ANKRD26: variants seen among roughly 807,000 people sequenced by gnomAD.
ANKRD26 encodes ankyrin repeat domain-containing protein 26.
Under a neutral mutation model 208.7 loss-of-function variants are expected in ANKRD26, and 141 were observed. That is an observed-to-expected ratio of 0.68 (90% CI 0.59 to 0.78). The LOEUF (loss-of-function observed/expected upper bound fraction) is 0.78. ANKRD26 is among the 30% of genes least tolerant of loss of function. ANKRD26 has a pLI of 0.00. For missense variants in ANKRD26, 1,889 were observed against 1,938.7 expected (o/e 0.97, Z 0.48); for synonymous variants, 636 against 660.4 (o/e 0.96, Z 0.57).
intron 3 of ANKRD26, among the ~76,000 whole-genome samples, chr10:26,984,280 G>A (rs2052351822): frequency 6.6e-6 from 1 of 152,148 alleles, no homozygotes; most frequent in Admixed American, 6.5e-5. Context: ...CAGTGTCTTG[G>A]GTTAAAGCTG....
rs1212458827 is a variant in ANKRD26 at position 27,046,353 on chromosome 10, C to A, written c.1985G>T (p.Arg662Met). The A allele has an allele frequency of 6.2e-7, 1 of 1,611,394 alleles. No individual in the cohort carries two copies. Among genetic ancestry groups the A allele is most frequent in the South Asian group, 1.1e-5 (1 of 90,984 alleles). ...SLSEIDEDEG[R>M]PTKKTSNEKN... ...AAAATAAAGAAATCATAGATTTTAC[C>A]TTCCTTCATCCTCATCTATTTCACT... is the stretch of plus-strand genomic sequence containing the variant. Residue 662 changes from arginine (R) to methionine (M), a missense_variant and splice_region_variant, in exon 18 of 34, where the codon AGG becomes ATG. Physicochemically the swap from Arg to Met is moderately conservative, Grantham distance 91 (BLOSUM62 -1). Around this residue, in one of 3 missense-constraint regions of ANKRD26, gnomAD observed 1,272 missense variants for 1,273.8 expected, o/e 1.00. Transcript: ENST00000376087.
chr10:27,071,733 C>G (rs1302900881), intron 9 of ANKRD26, among the ~76,000 whole-genome samples: 1 of 152,104 alleles, frequency 6.6e-6, no homozygotes, highest in African/African-American at 2.4e-5. Flanking sequence ...AAATCGTGAG[C>G]CTCTAGAGTG....
At chr10:27,083,456 C>T (rs1312361976) in intron 5 of ANKRD26, among the ~76,000 whole-genome samples, 1 of 152,018 alleles carries the variant, frequency 6.6e-6, no homozygotes, top group Non-Finnish European at 1.5e-5. Context: ...AGGTATGGTG[C>T]CTCATGCCTA....
At chr10:26,994,349 T>C (rs989942452) in intron 5 of ANKRD26, among the ~76,000 whole-genome samples, 1 of 152,200 alleles carries the variant, frequency 6.6e-6, no homozygotes, top group African/African-American at 2.4e-5. Context: ...TCCAATAATA[T>C]TGTTTACACC....
chr10:27,060,664 T>G (rs1012321491), intron 13 of ANKRD26, 124 bp from the exon 14 acceptor site: 35 of 802,370 alleles, frequency 4.4e-5, no homozygotes, highest in East Asian at 8.1e-5. Context: ...TGTTAATTTT[T>G]GGGATGTTTT....
intron 5 of ANKRD26, among the ~76,000 whole-genome samples, chr10:26,992,343 T>A (rs1368285584): frequency 6.6e-6 from 1 of 152,100 alleles, no homozygotes; most frequent in African/African-American, 2.4e-5. Context: ...TCTTTTTTCT[T>A]TTTTGAGCTT....
rs554552101 is a variant in ANKRD26 at position 27,056,875 on chromosome 10, T to C, written c.1564+3470A>G. ...TTCTCTGTGCTTCTGTGTTACCTTC[T>C]TTGCTTTTTGTTTTCTGGTAGCTGT... On this transcript the variant is annotated intron_variant, in intron 15 of 33. Transcript: ENST00000376087. Among the ~76,000 whole-genome samples, 4 of 152,212 alleles carry C rather than the reference T, an allele frequency of 2.6e-5. No individual in the cohort carries two copies. The South Asian group carries it at 8.3e-4, about 32-fold the overall frequency.
intron 3 of ANKRD26, among the ~76,000 whole-genome samples, chr10:26,986,704 G>C (rs1435049899): frequency 1.3e-5 from 2 of 152,126 alleles, no homozygotes; most frequent in Admixed American, 1.3e-4. Context: ...GGCCATCAGA[G>C]AAATGCAAAT....
At chr10:27,037,344 A>G in intron 22 of ANKRD26, 21 bp from the exon 23 acceptor site, 4 of 1,613,460 alleles carry the variant, frequency 2.5e-6, no homozygotes, top group Non-Finnish European at 3.4e-6. Context: ...ATTAAGTTTT[A>G]GGTCTATTAG....
Position 27,076,861 on chromosome 10 carries a change from C to T in ANKRD26, c.1077+477G>A, listed in dbSNP as rs75052819. Among the ~76,000 whole-genome samples, 71 of 151,946 alleles carry T rather than the reference C, an allele frequency of 4.7e-4. 1 individual carries two copies. In the East Asian group the frequency reaches 0.012, roughly 26 times the overall value. On this transcript the variant is annotated intron_variant, in intron 9 of 33. Transcript: ENST00000376087. ...GAGATTGAATCAGTAATTTTAAAAC[C>T]GCCAACAAGAAAAAAACCCAGGGCC...
chr10:27,051,164 T>C (rs771532516), intron 16 of ANKRD26: 164 of 1,290,054 alleles, frequency 1.3e-4, no homozygotes, highest in Non-Finnish European at 1.6e-4. Flanking sequence ...ATTCTTCTTT[T>C]AGAGATACTT....
At position 27,014,553 on chromosome 10, in the gene ANKRD26, A is replaced by G; in HGVS notation, c.4665T>C (p.Tyr1555=). The part of the protein sequence containing the change: ...EDFNKTELEK[Y]KQLYLEELKV... ...TTAATTCTTCTAGATAGAGTTGCTT[A>G]TATTTTTCCAGTTCGGTTTTATTAA... is the stretch of plus-strand genomic sequence containing the variant. Residue 1555 remains tyrosine (Y), a synonymous_variant, in exon 31 of 34, where the codon TAT becomes TAC. Transcript: ENST00000376087. 1 of 1,594,074 alleles carries G rather than the reference A, an allele frequency of 6.3e-7. No homozygotes were observed. Among genetic ancestry groups the G allele is most frequent in the Non-Finnish European group, 8.6e-7 (1 of 1,167,416 alleles).
intron 4 of ANKRD26, chr10:27,088,353 C>CT (rs145781364): frequency 0.5 from 75,183 of 151,578 alleles, 21,386 homozygotes; most frequent in Non-Finnish European, 0.64. Flanking sequence ...ATGTGTGTGT[C>CT]ATCTTTATAC....
intron 32 of ANKRD26, among the ~76,000 whole-genome samples, chr10:27,012,554 C>A (rs1250732179): frequency 6.6e-6 from 1 of 152,140 alleles, no homozygotes; most frequent in African/African-American, 2.4e-5. Flanking sequence ...GTGGCTCACA[C>A]CTGTAACCCC....
chr10:26,959,629 T>A, the ANKRD26 span, among the ~76,000 whole-genome samples: 3 of 150,934 alleles, frequency 2.0e-5, no homozygotes, highest in Non-Finnish European at 2.9e-5. Context: ...AGTAACCACA[T>A]AATTCGAATG....
At position 27,035,385 on chromosome 10, in the gene ANKRD26, T is replaced by G; in HGVS notation, c.3065A>C (p.Gln1022Pro). ...TAGTTCTCTTTTTGATGTCTCACTTTGATCACGATCATGTATAGCAGCAGC... is the reference window on the plus strand; with the variant it reads ...TAGTTCTCTTTTTGATGTCTCACTTGGATCACGATCATGTATAGCAGCAGC... Reference protein sequence around the residue: ...RLAAAIHDRDQSETSKRELEL... With the variant: ...RLAAAIHDRDPSETSKRELEL... Residue 1022 changes from glutamine to proline, a missense_variant, in exon 24 of 34, where the codon CAA (glutamine) becomes CCA (proline). Around this residue, in one of 3 missense-constraint regions of ANKRD26, gnomAD observed 1,272 missense variants for 1,273.8 expected, o/e 1.00. Coordinates refer to ENST00000376087, the MANE Select transcript of ANKRD26 (RefSeq NM_014915.3). 1 of 1,613,998 alleles carries G rather than the reference T, an allele frequency of 6.2e-7. No homozygotes were observed.
Position 27,004,774 on chromosome 10 carries a change from G to GA in ANKRD26, c.*815dup, listed in dbSNP as rs397845107. ...ACTGAGGAACTGTTCCAGACTGAAA[G>GA]ATCTAACAGATACAACAACTAAATA... On this transcript the variant is annotated 3_prime_UTR_variant, in exon 34 of 34. Coordinates refer to ENST00000376087, the MANE Select transcript of ANKRD26 (RefSeq NM_014915.3). 16,166 of 152,500 alleles carry GA rather than the reference G, an allele frequency of 0.11. 1,151 individuals are homozygous for GA. The highest frequency in any genetic ancestry group is 0.28 in the East Asian group (1,429 of 5,172). The allele number at this position is 152,500 out of a possible 1,614,324, so 9.4% of individuals were successfully genotyped here. A position where few individuals can be genotyped will look rare whatever the true frequency, so the allele number is the denominator to read the frequency against.
chr10:27,067,087 G>T, intron 10 of ANKRD26, 70 bp downstream of exon 10: 1 of 1,557,028 alleles, frequency 6.4e-7, no homozygotes, highest in South Asian at 1.1e-5. Flanking sequence ...GATCACAGGT[G>T]TGAGCCACAT....
chr10:27,032,809 T>C (rs28463941), intron 25 of ANKRD26, among the ~76,000 whole-genome samples: 6,825 of 144,102 alleles, frequency 0.047, 266 homozygotes, highest in Admixed American at 0.13. Flanking sequence ...AGTGAGACTC[T>C]GTCTCAAAAA....
Sources: allele counts gnomAD v4.1 joint callset (sites outside exome capture counted in the v4.1 genomes callset), GRCh38; gene constraint gnomAD v4.1.1; regional missense constraint gnomAD v4.1.1; transcripts MANE v1.5; gene names NCBI Gene and HGNC (gene_info 2026-07-23, HGNC 2026-07-21).